The following SCLT1 variants were observed in gnomAD, a reference collection of about 807,000 sequenced individuals.
SCLT1 encodes the protein sodium channel and clathrin linker 1, also known as sodium channel-associated protein 1.
SCLT1 carries 78 observed loss-of-function variants against 112.8 expected under a neutral mutation model. That is an observed-to-expected ratio of 0.69 (90% CI 0.58 to 0.83). The LOEUF is 0.83. Ranked by LOEUF, SCLT1 falls within the 40% of genes least tolerant of loss-of-function variation. SCLT1 has a pLI of 0.00. For missense variants in SCLT1, 747 were observed against 770.4 expected, an observed-to-expected ratio of 0.97 and a Z score of 0.36; for synonymous variants, 257 against 254.7, an observed-to-expected ratio of 1.01 and a Z score of -0.09.
At chr4:129,010,780 G>C (rs1744449738) in intron 5 of SCLT1, among the ~76,000 whole-genome samples, 2 of 152,102 alleles carry the variant, frequency 1.3e-5, no homozygotes, top group Admixed American at 1.3e-4. Flanking sequence ...TTTGTATCCT[G>C]AGAATTTGCT....
rs566469955 is a variant in SCLT1 at position 129,061,517 on chromosome 4, TTC to T, written c.103-17468_103-17467del. On this transcript the variant is annotated intron_variant, in intron 2 of 20. Transcript: ENST00000281142. ...AGATCAATCCTGGGGACAATGAGCA[TTC>T]TGAGTGGTCTAAACACCATTTTGCT... 9.9e-5 allele frequency among the ~76,000 whole-genome samples: 15 copies of T among 152,274 alleles called. No individual in the cohort carries two copies. The South Asian group carries it at 2.7e-3, about 27-fold the overall frequency.
chr4:129,038,160 T>C (rs1428695352), intron 5 of SCLT1: 1 of 153,606 alleles, frequency 6.5e-6, no homozygotes, highest in Non-Finnish European at 1.5e-5. Flanking sequence ...AATATTAGTA[T>C]TCAGGAAAAT....
At chr4:128,944,396 A>G (rs568881419) in intron 16 of SCLT1, among the ~76,000 whole-genome samples, 2 of 152,272 alleles carry the variant, frequency 1.3e-5, no homozygotes, top group African/African-American at 4.8e-5. Flanking sequence ...AACAACAACA[A>G]AAAAAGAAAG....
intron 3 of SCLT1, among the ~76,000 whole-genome samples, chr4:128,876,874 T>A (rs1454091881): frequency 6.6e-6 from 1 of 152,244 alleles, no homozygotes; most frequent in Non-Finnish European, 1.5e-5. Context: ...GAGTCCTTTA[T>A]GAATTCTTCA....
chr4:129,081,674 C>A (rs1205677289), intron 2 of SCLT1, among the ~76,000 whole-genome samples: 1 of 152,174 alleles, frequency 6.6e-6, no homozygotes, highest in Non-Finnish European at 1.5e-5. Flanking sequence ...TTCAACCAGG[C>A]CCCCTCCTCC....
intron 18 of SCLT1, among the ~76,000 whole-genome samples, chr4:128,917,800 T>C (rs1735584275): frequency 6.6e-6 from 1 of 152,154 alleles, no homozygotes; most frequent in African/African-American, 2.4e-5. Flanking sequence ...CTGGATGGCA[T>C]TTACAATACT....
At chr4:129,065,119 C>A (rs1342842756) in intron 2 of SCLT1, among the ~76,000 whole-genome samples, 1 of 151,916 alleles carries the variant, frequency 6.6e-6, no homozygotes, top group African/African-American at 2.4e-5. Context: ...AGTTTTGTCA[C>A]TTTTTTCTTT....
chr4:129,084,364 T>A (rs1037533104), intron 1 of SCLT1, among the ~76,000 whole-genome samples: 1 of 152,036 alleles, frequency 6.6e-6, no homozygotes, highest in African/African-American at 2.4e-5. Context: ...TATATAAAAA[T>A]TAATTATATT....
chr4:129,019,136 C>G (rs930283181), intron 5 of SCLT1, among the ~76,000 whole-genome samples: 1 of 152,096 alleles, frequency 6.6e-6, no homozygotes, highest in Non-Finnish European at 1.5e-5. Flanking sequence ...TAGTCCAAGA[C>G]TTTAATTTTA....
chr4:129,049,100 T>C (rs1354328298), intron 2 of SCLT1, among the ~76,000 whole-genome samples: 1 of 151,862 alleles, frequency 6.6e-6, no homozygotes, highest in African/African-American at 2.4e-5. Context: ...GAACTAGAAA[T>C]ACCATTTGAC....
intron 11 of SCLT1, among the ~76,000 whole-genome samples, chr4:128,964,932 A>C (rs906923945): frequency 3.3e-5 from 5 of 152,232 alleles, no homozygotes; most frequent in African/African-American, 1.2e-4. Flanking sequence ...TTTCCTAAAA[A>C]GTACTGGACT....
intron 4 of SCLT1, among the ~76,000 whole-genome samples, chr4:129,040,844 A>T (rs1747634388): frequency 6.6e-6 from 1 of 151,338 alleles, no homozygotes; most frequent in East Asian, 1.9e-4. Flanking sequence ...AGCTGTCAAC[A>T]TTTTTTTTTC....
intron 9 of SCLT1, among the ~76,000 whole-genome samples, chr4:128,986,238 A>C (rs1379288912): frequency 6.6e-6 from 1 of 152,138 alleles, no homozygotes; most frequent in Non-Finnish European, 1.5e-5. Flanking sequence ...AGTGGAACAC[A>C]ACATAGGCTA....
chr4:128,931,734 T>C (rs896079650), intron 18 of SCLT1, among the ~76,000 whole-genome samples: 10 of 152,206 alleles, frequency 6.6e-5, no homozygotes, highest in Non-Finnish European at 8.8e-5. Context: ...AGTGTTGGGA[T>C]TACAGGCGTG....
intron 5 of SCLT1, among the ~76,000 whole-genome samples, chr4:129,033,340 C>T (rs1288808356): frequency 5.2e-5 from 7 of 134,308 alleles, no homozygotes; most frequent in South Asian, 2.5e-4. Context: ...GGGGCCTATT[C>T]GGGGGTGGGG....
intron 5 of SCLT1, among the ~76,000 whole-genome samples, chr4:129,008,221 A>G (rs1043174189): frequency 1.3e-5 from 2 of 152,152 alleles, no homozygotes; most frequent in African/African-American, 4.8e-5. Flanking sequence ...AATTCTGTCA[A>G]CGGTAATTTT....
chr4:129,028,490 C>T (rs965266579), intron 5 of SCLT1, among the ~76,000 whole-genome samples: 12 of 152,174 alleles, frequency 7.9e-5, no homozygotes, highest in African/African-American at 2.9e-4. Context: ...AAAGCTGAAA[C>T]TGGATCCCTT....
At chr4:129,034,389 T>G (rs899182456) in intron 5 of SCLT1, among the ~76,000 whole-genome samples, 1 of 151,854 alleles carries the variant, frequency 6.6e-6, no homozygotes, top group Non-Finnish European at 1.5e-5. Context: ...CATTGTATAA[T>G]GTTATTTAAA....
At chr4:128,907,938 G>T (rs1734808479) in intron 18 of SCLT1, among the ~76,000 whole-genome samples, 1 of 152,008 alleles carries the variant, frequency 6.6e-6, no homozygotes, top group Non-Finnish European at 1.5e-5. Context: ...CTTAATTATG[G>T]GATAAGAAAT....
Sources: allele counts gnomAD v4.1 joint callset (sites outside exome capture counted in the v4.1 genomes callset), GRCh38; gene constraint gnomAD v4.1.1; transcripts MANE v1.5; gene names NCBI Gene and HGNC (gene_info 2026-07-23, HGNC 2026-07-21).